CD1B: variants seen among roughly 807,000 people sequenced by gnomAD.
CD1B encodes CD1b molecule, also known as T-cell surface glycoprotein CD1b.
A neutral mutation model predicts 39.8 loss-of-function variants in CD1B; 43 were observed. The observed-to-expected ratio is 1.08, with a 90% CI of 0.85 to 1.39. CD1B has a LOEUF of 1.39. Ranked by LOEUF, CD1B falls within the 40% of genes most tolerant of loss-of-function variation. The pLI is 0.00. For synonymous variants in CD1B, 192 were observed against 152.5 expected, an observed-to-expected ratio of 1.26 and a Z score of -1.91; for missense variants, 495 against 403.8, an observed-to-expected ratio of 1.23 and a Z score of -1.94.
At chr1:158,316,921 G>C in the CD1B span, among the ~76,000 whole-genome samples, 3 of 151,806 alleles carry the variant, frequency 2.0e-5, no homozygotes, top group African/African-American at 7.3e-5. Flanking sequence ...ATAATCATGT[G>C]GTTTTTGTCT....
downstream of CD1B, among the ~76,000 whole-genome samples, chr1:158,323,738 C>T (rs374582370): frequency 3.9e-5 from 6 of 152,302 alleles, no homozygotes; most frequent in South Asian, 8.3e-4. Context: ...CTGTGAGTCT[C>T]ATGAGGGCTG....
At chr1:158,319,678 C>G in the CD1B span, among the ~76,000 whole-genome samples, 5 of 152,252 alleles carry the variant, frequency 3.3e-5, no homozygotes, top group Non-Finnish European at 7.3e-5. Context: ...AAGTCGTTCT[C>G]TGTCCAGCTT....
chr1:158,291,200 G>A, the CD1B span: 43 of 1,613,572 alleles, frequency 2.7e-5, no homozygotes, highest in Middle Eastern at 1.6e-4. Context: ...TCCTGGGCAC[G>A]AGGTCAGGGC....
At chr1:158,294,894 T>C in the CD1B span, among the ~76,000 whole-genome samples, 1 of 152,156 alleles carries the variant, frequency 6.6e-6, no homozygotes, top group Non-Finnish European at 1.5e-5. Flanking sequence ...TAACTTTTTT[T>C]GGAGGAGGAG....
chr1:158,320,682 C>A, the CD1B span, among the ~76,000 whole-genome samples: 1 of 152,062 alleles, frequency 6.6e-6, no homozygotes, highest in African/African-American at 2.4e-5. Context: ...TTGGCTCCTC[C>A]CCCTCCATAG....
At chr1:158,324,355 T>C (rs1652278475), downstream of CD1B, among the ~76,000 whole-genome samples, 1 of 152,216 alleles carries the variant, frequency 6.6e-6, no homozygotes, top group African/African-American at 2.4e-5. Context: ...CTGAGGCTTC[T>C]ACAGAGAGAC....
chr1:158,314,082 C>T, the CD1B span, among the ~76,000 whole-genome samples: 1 of 151,228 alleles, frequency 6.6e-6, no homozygotes, highest in East Asian at 1.9e-4. Flanking sequence ...AAAAGTTTGT[C>T]AGGTTTTGTT....
chr1:158,312,561 G>C, the CD1B span, among the ~76,000 whole-genome samples: 2 of 151,872 alleles, frequency 1.3e-5, no homozygotes, highest in African/African-American at 4.8e-5. Flanking sequence ...TTTTTTTGTA[G>C]AGTTTTTACC....
the CD1B span, among the ~76,000 whole-genome samples, chr1:158,315,845 G>A: frequency 6.6e-6 from 1 of 152,036 alleles, no homozygotes. Flanking sequence ...TGAGGTGTAA[G>A]GAAGGGATCC....
At chr1:158,308,012 G>T in the CD1B span, among the ~76,000 whole-genome samples, 15 of 152,236 alleles carry the variant, frequency 9.9e-5, no homozygotes, top group African/African-American at 1.4e-4. Flanking sequence ...AGGAAATAAA[G>T]GGTATTGAAT....
chr1:158,320,736 T>A, the CD1B span, among the ~76,000 whole-genome samples: 1 of 152,220 alleles, frequency 6.6e-6, no homozygotes, highest in Non-Finnish European at 1.5e-5. Flanking sequence ...TCAAGAAATA[T>A]TGAAATTTTC....
At chr1:158,302,488 CA>C in the CD1B span, among the ~76,000 whole-genome samples, 7 of 151,356 alleles carry the variant, frequency 4.6e-5, no homozygotes, top group Non-Finnish European at 7.4e-5. Flanking sequence ...AGAAGATAAA[CA>C]AAAAAATTGG....
chr1:158,303,225 C>A, the CD1B span, among the ~76,000 whole-genome samples: 20 of 152,144 alleles, frequency 1.3e-4, no homozygotes, highest in Admixed American at 2.0e-4. Context: ...TGATAAAATT[C>A]CACATCTCTT....
chr1:158,295,968 CCCCACT>C, the CD1B span, among the ~76,000 whole-genome samples: 3 of 152,266 alleles, frequency 2.0e-5, no homozygotes, highest in Admixed American at 2.0e-4. Context: ...GCTGCACTGT[CCCCACT>C]AGCCTACATG....
At chr1:158,292,920 G>A in the CD1B span, 1 of 1,580,400 alleles carries the variant, frequency 6.3e-7, no homozygotes, top group Non-Finnish European at 8.6e-7. Context: ...CTTGAGCCTA[G>A]AGGTTAGGGG....
the CD1B span, among the ~76,000 whole-genome samples, chr1:158,313,792 C>A: frequency 6.6e-6 from 1 of 152,082 alleles, no homozygotes; most frequent in African/African-American, 2.4e-5. Context: ...AGGTCATCAG[C>A]TCCTGTGCTT....
At chr1:158,287,494 AT>A in the CD1B span, among the ~76,000 whole-genome samples, 9 of 150,506 alleles carry the variant, frequency 6.0e-5, no homozygotes, top group African/African-American at 1.5e-4. Flanking sequence ...TCAACATGTG[AT>A]TTTTTTTTTC....
the CD1B span, among the ~76,000 whole-genome samples, chr1:158,307,367 C>T: frequency 0.012 from 1,877 of 152,036 alleles, 37 homozygotes; most frequent in African/African-American, 0.04. Flanking sequence ...ACGTACACCC[C>T]CCCAAGACTA....
At chr1:158,317,526 T>G in the CD1B span, among the ~76,000 whole-genome samples, 2 of 152,236 alleles carry the variant, frequency 1.3e-5, no homozygotes, top group Non-Finnish European at 2.9e-5. Context: ...TATCATTTTT[T>G]TATTGTGTCT....
Sources: allele counts gnomAD v4.1 joint callset (sites outside exome capture counted in the v4.1 genomes callset), GRCh38; gene constraint gnomAD v4.1.1; transcripts MANE v1.5; gene names NCBI Gene and HGNC (gene_info 2026-07-23, HGNC 2026-07-21).